Variants in FMN2 observed in about 807,000 individuals in gnomAD.
The protein encoded by FMN2 is formin 2, also known as formin-2.
FMN2 carries 51 observed loss-of-function variants against 142.3 expected under a neutral mutation model. The observed-to-expected ratio is 0.36, with a 90% confidence interval of 0.29 to 0.45. The LOEUF (loss-of-function observed/expected upper bound fraction) is 0.45, where lower values mean the gene tolerates loss of function less well. Ranked by LOEUF, FMN2 falls within the 20% of genes least tolerant of loss-of-function variation. The pLI is 1.00. For missense variants in FMN2, 1,936 were observed against 2,122.8 expected (o/e 0.91, Z 1.73); for synonymous variants, 882 against 869.8 (o/e 1.01, Z -0.25).
At chr1:240,121,122 C>A (rs1296973539) in intron 1 of FMN2, among the ~76,000 whole-genome samples, 1 of 151,820 alleles carries the variant, frequency 6.6e-6, no homozygotes, top group Non-Finnish European at 1.5e-5. Flanking sequence ...GACCGCGCCA[C>A]TGCGCGGGTG....
intron 15 of FMN2, among the ~76,000 whole-genome samples, chr1:240,437,513 A>G (rs1035080804): frequency 1.7e-4 from 26 of 152,082 alleles, no homozygotes; most frequent in African/African-American, 4.3e-4. Context: ...CGTGTTAGCC[A>G]GGATGGTCTC....
chr1:240,304,217 T>A (rs1670298435), intron 8 of FMN2, among the ~76,000 whole-genome samples: 1 of 152,242 alleles, frequency 6.6e-6, no homozygotes, highest in South Asian at 2.1e-4. Flanking sequence ...TGGTGCATAC[T>A]TTTGTTTCTT....
intron 4 of FMN2, among the ~76,000 whole-genome samples, chr1:240,189,627 AG>A (rs1411995855): frequency 1.3e-5 from 2 of 152,228 alleles, no homozygotes; most frequent in Non-Finnish European, 2.9e-5. Flanking sequence ...AAATGCGGCT[AG>A]GTTAGCTATC....
intron 16 of FMN2, among the ~76,000 whole-genome samples, chr1:240,451,176 G>A (rs184931020): frequency 3.9e-5 from 6 of 152,060 alleles, no homozygotes; most frequent in African/African-American, 1.4e-4. Flanking sequence ...GACCAGCCTC[G>A]ACAAGATGGC....
intron 13 of FMN2, among the ~76,000 whole-genome samples, chr1:240,347,687 CCT>C (rs1379993801): frequency 6.6e-6 from 1 of 152,126 alleles, no homozygotes; most frequent in East Asian, 1.9e-4. Context: ...GCTCTTTCCC[CCT>C]CTGTCTCTCC....
chr1:240,395,207 G>C (rs903044314), intron 15 of FMN2, among the ~76,000 whole-genome samples: 1 of 152,150 alleles, frequency 6.6e-6, no homozygotes, highest in Non-Finnish European at 1.5e-5. Context: ...TAAACCCATT[G>C]CTGAGACCCA....
rs866684667 is a variant in FMN2 at position 240,093,692 on chromosome 1, C to G, written c.1583C>G (p.Ala528Gly). Residue 528 changes from alanine (A) to glycine (G), a missense_variant, in exon 1 of 18, where the codon GCG becomes GGG. Transcript: ENST00000319653. ...ALAAKASGAP[A>G]AADGFQNVFT... is the part of the protein sequence containing the mutation. ...GCCGCCAAGGCGTCTGGGGCCCCCG[C>G]GGCTGCGGATGGCTTCCAGAACGTG... 7 of 1,366,966 alleles carry G rather than the reference C, an allele frequency of 5.1e-6. No individual in the cohort carries two copies. Among genetic ancestry groups the G allele is most frequent in the Non-Finnish European group, 9.4e-7 (1 of 1,066,880 alleles). 84.7% of individuals were successfully genotyped at this position (1,366,966 alleles called of 1,614,324 possible).
chr1:240,393,471 G>A (rs915679336), intron 15 of FMN2, among the ~76,000 whole-genome samples: 5 of 151,922 alleles, frequency 3.3e-5, no homozygotes, highest in Admixed American at 6.6e-5. Context: ...GTTCCCTTGC[G>A]TCTCCCCTCT....
rs895534002 is a variant in FMN2, at chr1:240,143,495, C to T, written c.1782+20150C>T. 5.1e-6 allele frequency: 8 copies of T among 1,563,676 alleles called. No homozygotes were observed. In the Admixed American group the frequency reaches 8.4e-5, roughly 16 times the overall value. On this transcript the variant is annotated intron_variant, in intron 2 of 17. Transcript: ENST00000319653. The stretch of plus-strand genomic sequence containing the variant: ...TCCTTGTCCTTCTTTTCCTTCTTGC[C>T]TTTGTCTTCCTCCTTCTCTTTGGAG...
chr1:240,148,994 A>G (rs1027662006), intron 2 of FMN2, among the ~76,000 whole-genome samples: 1 of 151,968 alleles, frequency 6.6e-6, no homozygotes, highest in Non-Finnish European at 1.5e-5. Context: ...ATAAATAAAT[A>G]AAAAACTCGT....
At chr1:240,355,076 G>T (rs530774846) in intron 13 of FMN2, among the ~76,000 whole-genome samples, 1 of 152,256 alleles carries the variant, frequency 6.6e-6, no homozygotes, top group Admixed American at 6.5e-5. Context: ...GGCATGAAAA[G>T]AGGATAAACT....
At chr1:240,221,234 G>A (rs182358393) in intron 6 of FMN2, among the ~76,000 whole-genome samples, 20 of 152,176 alleles carry the variant, frequency 1.3e-4, no homozygotes, top group African/African-American at 4.8e-4. Context: ...TATATACCCA[G>A]TAATGGGATT....
chr1:240,165,933 A>G (rs1169885046), intron 2 of FMN2, among the ~76,000 whole-genome samples: 2 of 151,994 alleles, frequency 1.3e-5, no homozygotes, highest in African/African-American at 4.8e-5. Context: ...TTCCCCGGAT[A>G]ATGTGTCCAC....
At chr1:240,320,933 C>T (rs186580297) in intron 8 of FMN2, among the ~76,000 whole-genome samples, 171 of 152,260 alleles carry the variant, frequency 1.1e-3, no homozygotes, top group Non-Finnish European at 1.8e-3. Flanking sequence ...TAAGTTGTTG[C>T]TGTAATTCTT....
intron 8 of FMN2, among the ~76,000 whole-genome samples, chr1:240,325,179 A>C (rs1671121265): frequency 6.6e-6 from 1 of 151,904 alleles, no homozygotes; most frequent in South Asian, 2.1e-4. Context: ...GCAACATGGC[A>C]AAACCCCGTC....
At chr1:240,440,994 CTTTTTT>C (rs11358093) in intron 16 of FMN2, among the ~76,000 whole-genome samples, 2 of 127,514 alleles carry the variant, frequency 1.6e-5, no homozygotes, top group African/African-American at 5.9e-5. Context: ...TTGGTGTAAA[CTTTTTT>C]TTTTTTTTTT....
chr1:240,183,356 T>G (rs955644338), intron 3 of FMN2, among the ~76,000 whole-genome samples: 3 of 150,768 alleles, frequency 2.0e-5, no homozygotes, highest in African/African-American at 7.3e-5. Flanking sequence ...TGTACTGGAA[T>G]AGACTGACTG....
intron 15 of FMN2, among the ~76,000 whole-genome samples, chr1:240,399,805 C>A (rs1055845054): frequency 2.6e-5 from 4 of 152,014 alleles, no homozygotes; most frequent in Non-Finnish European, 5.9e-5. Flanking sequence ...AGATTCTACA[C>A]CAGGAGGGAG....
At chr1:240,366,013 C>A (rs762894653) in intron 14 of FMN2, among the ~76,000 whole-genome samples, 5 of 152,110 alleles carry the variant, frequency 3.3e-5, no homozygotes, top group Non-Finnish European at 7.3e-5. Flanking sequence ...GACAAGGGCA[C>A]TTTTCACAGT....
Sources: allele counts gnomAD v4.1 joint callset (sites outside exome capture counted in the v4.1 genomes callset), GRCh38; gene constraint gnomAD v4.1.1; transcripts MANE v1.5; gene names NCBI Gene and HGNC (gene_info 2026-07-23, HGNC 2026-07-21).